The following RUNX1 variants were observed in gnomAD, a reference collection of about 807,000 sequenced individuals.
The protein encoded by RUNX1 is runt-related transcription factor 1.
Under a neutral mutation model 42.8 loss-of-function variants are expected in RUNX1, and 19 were observed. The observed-to-expected ratio is 0.44, with a 90% confidence interval of 0.31 to 0.65. The LOEUF (loss-of-function observed/expected upper bound fraction) is 0.65. Ranked by LOEUF, RUNX1 falls within the 30% of genes least tolerant of loss-of-function variation. RUNX1 has a pLI of 0.07. For synonymous variants in RUNX1, 271 were observed against 289.4 expected (o/e 0.94, Z 0.64); for missense variants, 528 against 672.0 (o/e 0.79, Z 2.37).
intron 2 of RUNX1, among the ~76,000 whole-genome samples, chr21:34,917,095 A>G (rs2058317159): frequency 6.6e-6 from 1 of 152,152 alleles, no homozygotes; most frequent in South Asian, 2.1e-4. Context: ...GGGTTTGGAG[A>G]CTTCTTTCCC....
chr21:35,019,010 CAG>C (rs1462519822), intron 2 of RUNX1, among the ~76,000 whole-genome samples: 4 of 152,192 alleles, frequency 2.6e-5, no homozygotes, highest in South Asian at 2.1e-4. Flanking sequence ...TGAAGGGAAA[CAG>C]GGAATAATTT....
At chr21:35,027,951 T>C (rs1333416984) in intron 2 of RUNX1, among the ~76,000 whole-genome samples, 1 of 152,206 alleles carries the variant, frequency 6.6e-6, no homozygotes, top group Non-Finnish European at 1.5e-5. Context: ...TTCTGAGTCA[T>C]GTTTAATTAG....
At chr21:35,008,815 A>G (rs1031698241) in intron 2 of RUNX1, among the ~76,000 whole-genome samples, 1 of 152,248 alleles carries the variant, frequency 6.6e-6, no homozygotes, top group African/African-American at 2.4e-5. Flanking sequence ...CAGACTTTGA[A>G]TAAGGTAGGC....
At chr21:34,796,407 C>T (rs970372436) in intron 8 of RUNX1, among the ~76,000 whole-genome samples, 8 of 152,174 alleles carry the variant, frequency 5.3e-5, no homozygotes, top group Admixed American at 2.0e-4. Context: ...TATTCAAACC[C>T]ATCAGTCTGC....
At chr21:35,035,566 G>C (rs1209720128) in intron 2 of RUNX1, among the ~76,000 whole-genome samples, 1 of 152,190 alleles carries the variant, frequency 6.6e-6, no homozygotes, top group Non-Finnish European at 1.5e-5. Context: ...GTGAGGTTTT[G>C]ATTAAAAGAG....
chr21:34,821,255 A>G (rs1331084348), intron 7 of RUNX1: 3 of 1,061,626 alleles, frequency 2.8e-6, no homozygotes, highest in East Asian at 5.4e-5. Flanking sequence ...AATGCCGCCA[A>G]TAAGAGCACA....
chr21:34,896,705 A>C (rs939096255), intron 2 of RUNX1, among the ~76,000 whole-genome samples: 16 of 139,206 alleles, frequency 1.1e-4, no homozygotes, highest in African/African-American at 4.5e-4. Flanking sequence ...GAAAAGAATA[A>C]AGGAAAATGC....
chr21:34,859,409 G>C, intron 6 of RUNX1, 65 bp downstream of exon 6: 1 of 1,201,794 alleles, frequency 8.3e-7, no homozygotes, highest in Non-Finnish European at 1.2e-6. Context: ...CATGGTCCCT[G>C]AGTATACCAG....
intron 2 of RUNX1, among the ~76,000 whole-genome samples, chr21:34,968,939 G>C (rs2058740580): frequency 6.6e-6 from 1 of 152,148 alleles, no homozygotes; most frequent in South Asian, 2.1e-4. Context: ...CGGCAATTCT[G>C]CAATAGTTCT....
At chr21:34,805,654 A>G (rs2056669242) in intron 7 of RUNX1, among the ~76,000 whole-genome samples, 1 of 152,244 alleles carries the variant, frequency 6.6e-6, no homozygotes, top group South Asian at 2.1e-4. Context: ...AAATAAGGAT[A>G]TTTTCTGACA....
In RUNX1 at chr21:34,788,870, A is replaced by G. The variant is rs2056401852; in HGVS notation, c.*3265T>C. 1 of 233,286 alleles carries G rather than the reference A, an allele frequency of 4.3e-6. No individual in the cohort carries two copies. Among genetic ancestry groups the G allele is most frequent in the Admixed American group, 5.6e-5 (1 of 17,788 alleles). The allele number at this position is 233,286 out of a possible 1,614,324, so 14.5% of individuals were successfully genotyped here. A position where few individuals can be genotyped will look rare whatever the true frequency, so the allele number is the denominator to read the frequency against. On this transcript the variant is annotated 3_prime_UTR_variant, in exon 9 of 9. Transcript: ENST00000675419. ...CAAACATGTCATTCCCCCCAAAAAT[A>G]AAAACCAACAAAAATAAAAATCATC...
At chr21:34,797,831 AC>A (rs2056551321) in intron 8 of RUNX1, among the ~76,000 whole-genome samples, 2 of 152,152 alleles carry the variant, frequency 1.3e-5, no homozygotes, top group South Asian at 4.1e-4. Context: ...TCACCTGGGG[AC>A]AGTTTTGCCC....
chr21:34,865,220 G>A lies in RUNX1; in HGVS notation c.509-5642C>T, dbSNP rs147924142. 6.0e-3 allele frequency among the ~76,000 whole-genome samples: 915 copies of A among 151,852 alleles called. 18 individuals carry two copies. Among genetic ancestry groups the A allele is most frequent in the African/African-American group, 0.021 (856 of 41,258 alleles). On this transcript the variant is annotated intron_variant, in intron 5 of 8. Coordinates refer to ENST00000675419, the MANE Select transcript of RUNX1 (RefSeq NM_001754.5). ...AAAGACCAGAGCTGTGACAGATCCCGTAAGAAGGAGCTGGGGATGAAGTAG... is the reference window on the plus strand; with the variant it reads ...AAAGACCAGAGCTGTGACAGATCCCATAAGAAGGAGCTGGGGATGAAGTAG...
intron 4 of RUNX1, among the ~76,000 whole-genome samples, chr21:34,884,013 C>A (rs1456393335): frequency 6.6e-6 from 1 of 152,226 alleles, no homozygotes; most frequent in Non-Finnish European, 1.5e-5. Context: ...GCTGAAGGCA[C>A]GTTTACGTCT....
intron 6 of RUNX1, among the ~76,000 whole-genome samples, chr21:34,836,802 G>A (rs1348755593): frequency 2.6e-5 from 4 of 152,158 alleles, no homozygotes; most frequent in Non-Finnish European, 5.9e-5. Context: ...TGATGTGAGC[G>A]AGGTCATTCT....
At chr21:34,915,011 G>C (rs961928383) in intron 2 of RUNX1, among the ~76,000 whole-genome samples, 16 of 152,082 alleles carry the variant, frequency 1.1e-4, no homozygotes, top group Non-Finnish European at 2.4e-4. Context: ...CTGGTCATTC[G>C]TGCTCAGTTT....
chr21:34,888,453 G>C, intron 3 of RUNX1: 1 of 1,066,688 alleles, frequency 9.4e-7, no homozygotes, highest in Non-Finnish European at 1.1e-6. Flanking sequence ...GAAAGAAGTT[G>C]AAAACATCCA....
chr21:35,046,142 A>T (rs1174323759), intron 2 of RUNX1, among the ~76,000 whole-genome samples: 2 of 152,216 alleles, frequency 1.3e-5, no homozygotes, highest in Non-Finnish European at 2.9e-5. Flanking sequence ...GGGAATTTCA[A>T]TCGCATCTTG....
intron 2 of RUNX1, among the ~76,000 whole-genome samples, chr21:34,915,143 A>C (rs2058302886): frequency 1.3e-5 from 2 of 152,164 alleles, no homozygotes; most frequent in Non-Finnish European, 2.9e-5. Context: ...AGTTAATAGG[A>C]CTTGAACTTT....
Sources: gnomAD v4.1 joint callset for allele counts (sites outside exome capture counted in the v4.1 genomes callset) on GRCh38, gnomAD v4.1.1 for gene constraint, MANE v1.5 for transcripts, NCBI Gene and HGNC (gene_info 2026-07-23, HGNC 2026-07-21) for gene names.